AFAP1L2: variants seen among roughly 807,000 people sequenced by gnomAD.
AFAP1L2 encodes the protein actin filament-associated protein 1-like 2.
In AFAP1L2, 46 loss-of-function variants were observed where a neutral mutation model predicts 99.3. That is an observed-to-expected ratio of 0.46 (90% CI 0.37 to 0.59). The LOEUF (loss-of-function observed/expected upper bound fraction) is 0.59. Among genes scored for constraint, AFAP1L2 ranks in the 20% least tolerant of loss-of-function variants. AFAP1L2 has a pLI of 0.00. For missense variants in AFAP1L2, 959 were observed against 1,034.9 expected (o/e 0.93, Z 1.01); for synonymous variants, 397 against 419.1 (o/e 0.95, Z 0.64).
intron 4 of AFAP1L2, among the ~76,000 whole-genome samples, chr10:114,327,147 T>TTATTTTTATATATATATATATATATATA (rs1554902752): frequency 1.1e-4 from 6 of 54,538 alleles, no homozygotes; most frequent in Admixed American, 2.6e-4. Context: ...TTATATATAT[T>TTATTTTTATATATATATATATATATATA]TATATATATA....
Position 114,300,359 on chromosome 10 carries a change from G to C in AFAP1L2, c.1792C>G (p.Leu598Val). 1 of 1,614,174 alleles carries C rather than the reference G, an allele frequency of 6.2e-7. No individual in the cohort carries two copies. Among genetic ancestry groups the C allele is most frequent in the Non-Finnish European group, 8.5e-7 (1 of 1,180,010 alleles). Residue 598 changes from leucine (L) to valine (V), a missense_variant, in exon 15 of 19, where the codon CTG (leucine) becomes GTG (valine). Transcript: ENST00000304129. ...KCPENLGEQQ[L>V]ESLEPEDPSL... is the part of the protein sequence containing the mutation. Reference sequence around the variant, plus strand: ...GGATCCTCTGGCTCCAAACTCTCCAGCTGCTTTGGGGGAAAGCAGACCTGA... The same window carrying C: ...GGATCCTCTGGCTCCAAACTCTCCACCTGCTTTGGGGGAAAGCAGACCTGA...
At chr10:114,353,661 C>T (rs2050880800) in intron 1 of AFAP1L2, among the ~76,000 whole-genome samples, 1 of 152,148 alleles carries the variant, frequency 6.6e-6, no homozygotes, top group South Asian at 2.1e-4. Context: ...TAAAGATTTG[C>T]TTATTAAAAC....
At chr10:114,296,207 G>T in intron 18 of AFAP1L2, 139 bp from the exon 19 acceptor site, 1 of 1,209,726 alleles carries the variant, frequency 8.3e-7, no homozygotes, top group Non-Finnish European at 1.2e-6. Flanking sequence ...TTCAAACCCT[G>T]TGTGTTCATC....
chr10:114,386,873 T>A (rs1424078663), intron 1 of AFAP1L2, among the ~76,000 whole-genome samples: 1 of 152,196 alleles, frequency 6.6e-6, no homozygotes, highest in Non-Finnish European at 1.5e-5. Flanking sequence ...CTTCGCAAAA[T>A]GAGGGCACTC....
downstream of AFAP1L2, chr10:114,294,781 C>T: frequency 3.1e-6 from 3 of 963,280 alleles, no homozygotes; most frequent in Non-Finnish European, 3.7e-6. Flanking sequence ...CCTTGAGAAC[C>T]CCCCAGGCCC....
the AFAP1L2 span, chr10:114,284,783 GC>G: frequency 1.1e-5 from 15 of 1,386,004 alleles, no homozygotes; most frequent in African/African-American, 1.9e-4. Context: ...CAGGAAGCCA[GC>G]TGCACCCACA....
intron 1 of AFAP1L2, among the ~76,000 whole-genome samples, chr10:114,396,247 C>T (rs907966676): frequency 1.3e-5 from 2 of 152,138 alleles, no homozygotes; most frequent in African/African-American, 4.8e-5. Flanking sequence ...TCCCAGGGTA[C>T]AGAGCCAGAC....
chr10:114,398,393 AC>A (rs1366751883), intron 1 of AFAP1L2, among the ~76,000 whole-genome samples: 1 of 152,242 alleles, frequency 6.6e-6, no homozygotes, highest in Non-Finnish European at 1.5e-5. Context: ...AGAAGCCCCA[AC>A]TTATATCTCC....
At chr10:114,376,118 A>G (rs1275403516) in intron 1 of AFAP1L2, among the ~76,000 whole-genome samples, 1 of 152,166 alleles carries the variant, frequency 6.6e-6, no homozygotes, top group Non-Finnish European at 1.5e-5. Flanking sequence ...GTTTCCTCCT[A>G]CCTCTGCCAA....
downstream of AFAP1L2, chr10:114,289,831 G>A (rs2039379036): frequency 2.7e-6 from 1 of 376,178 alleles, no homozygotes; most frequent in Non-Finnish European, 5.0e-6. Context: ...CAGTGACAGA[G>A]CCCAGAGCAA....
At chr10:114,318,400 A>G (rs1356089402) in intron 5 of AFAP1L2, among the ~76,000 whole-genome samples, 1 of 152,150 alleles carries the variant, frequency 6.6e-6, no homozygotes, top group African/African-American at 2.4e-5. Flanking sequence ...GGAAACTAAG[A>G]ACGGCAAATC....
At chr10:114,305,127 GGACGC>G in intron 10 of AFAP1L2, 197 bp from the exon 11 acceptor site, 1 of 548,284 alleles carries the variant, frequency 1.8e-6, no homozygotes, top group African/African-American at 2.4e-5. Context: ...CTGCAGGAGG[GGACGC>G]AGATGCAGGA....
intron 2 of AFAP1L2, among the ~76,000 whole-genome samples, chr10:114,338,933 A>G (rs2048368044): frequency 6.6e-6 from 1 of 152,214 alleles, no homozygotes; most frequent in African/African-American, 2.4e-5. Flanking sequence ...GGGTTCTGTA[A>G]TTTACAAAGT....
At chr10:114,286,360 G>T in the AFAP1L2 span, 7 of 1,613,818 alleles carry the variant, frequency 4.3e-6, no homozygotes, top group East Asian at 6.7e-5. Flanking sequence ...CGCGAGAGCT[G>T]CTCCTGCTGG....
chr10:114,312,926 A>G (rs1307186144), intron 7 of AFAP1L2, among the ~76,000 whole-genome samples: 2 of 152,178 alleles, frequency 1.3e-5, no homozygotes, highest in Non-Finnish European at 2.9e-5. Flanking sequence ...CCTGCTCCAA[A>G]TCTAGGATAC....
the AFAP1L2 span, among the ~76,000 whole-genome samples, chr10:114,283,787 G>A: frequency 6.6e-6 from 1 of 152,234 alleles, no homozygotes; most frequent in African/African-American, 2.4e-5. Context: ...ATCTCAGTGA[G>A]CCCCCAGCTA....
At chr10:114,404,589 C>T, upstream of AFAP1L2, 3 of 1,301,568 alleles carry the variant, frequency 2.3e-6, no homozygotes, top group Non-Finnish European at 2.9e-6. Context: ...GCGGGGCCGC[C>T]GCGCCCAGGG....
intron 1 of AFAP1L2, among the ~76,000 whole-genome samples, chr10:114,403,901 A>G (rs1020024268): frequency 6.6e-6 from 1 of 152,164 alleles, no homozygotes; most frequent in Non-Finnish European, 1.5e-5. Context: ...GAGAGAAACG[A>G]TGACCCGAAC....
intron 1 of AFAP1L2, chr10:114,393,373 C>T (rs2057351245): frequency 6.6e-6 from 1 of 152,250 alleles, no homozygotes; most frequent in South Asian, 2.1e-4. Context: ...GATTGGTGAG[C>T]CCCTGTTCTC....
Sources: allele counts gnomAD v4.1 joint callset (sites outside exome capture counted in the v4.1 genomes callset), GRCh38; gene constraint gnomAD v4.1.1; transcripts MANE v1.5; gene names NCBI Gene and HGNC (gene_info 2026-07-23, HGNC 2026-07-21).